PEBP4: variants seen among roughly 807,000 people sequenced by gnomAD.
The protein encoded by PEBP4 is phosphatidylethanolamine binding protein 4, also known as phosphatidylethanolamine-binding protein 4.
PEBP4 carries 22 observed loss-of-function variants against 23.9 expected under a neutral mutation model. The ratio of observed to expected loss-of-function variants is 0.92; its 90% confidence interval spans 0.66 to 1.31. The LOEUF is 1.31. Ranked by LOEUF, PEBP4 falls within the 40% of genes most tolerant of loss-of-function variation. The probability of loss-of-function intolerance (pLI) is 0.00; values close to 1 mark genes in which losing one functional copy is unlikely to be tolerated. For missense variants in PEBP4, 324 were observed against 281.7 expected, an observed-to-expected ratio of 1.15 and a Z score of -1.07; for synonymous variants, 112 against 99.3, an observed-to-expected ratio of 1.13 and a Z score of -0.76.
At chr8:22,745,247 C>T (rs1225230941) in intron 4 of PEBP4, among the ~76,000 whole-genome samples, 1 of 152,168 alleles carries the variant, frequency 6.6e-6, no homozygotes, top group Non-Finnish European at 1.5e-5. Flanking sequence ...TCTCCAGTGC[C>T]CTCTCGACTT....
At chr8:22,937,124 G>A (rs1053779693) in intron 1 of PEBP4, among the ~76,000 whole-genome samples, 1 of 152,084 alleles carries the variant, frequency 6.6e-6, no homozygotes, top group African/African-American at 2.4e-5. Flanking sequence ...GAAATAAAAG[G>A]CATCCAAATT....
At chr8:22,925,172 T>C (rs1349430169) in intron 2 of PEBP4, 1 of 985,312 alleles carries the variant, frequency 1.0e-6, no homozygotes, top group Non-Finnish European at 1.2e-6. Flanking sequence ...TCAGTGACAA[T>C]AAAGACAAAG....
intron 4 of PEBP4, among the ~76,000 whole-genome samples, chr8:22,778,084 T>C (rs1805849870): frequency 6.6e-6 from 1 of 152,112 alleles, no homozygotes; most frequent in South Asian, 2.1e-4. Context: ...CTGTCTCTAG[T>C]TGCCCCTGGA....
At chr8:22,787,914 G>A (rs1180006100) in intron 4 of PEBP4, among the ~76,000 whole-genome samples, 1 of 152,170 alleles carries the variant, frequency 6.6e-6, no homozygotes, top group Non-Finnish European at 1.5e-5. Context: ...TCGAGGTGAG[G>A]GCTGGGGAAG....
At chr8:22,873,532 T>C (rs1048212040) in intron 3 of PEBP4, among the ~76,000 whole-genome samples, 3 of 152,028 alleles carry the variant, frequency 2.0e-5, no homozygotes, top group Non-Finnish European at 2.9e-5. Flanking sequence ...TCAATGGGGC[T>C]GAGGTGGGAG....
Position 22,865,113 on chromosome 8 carries a change from A to G in PEBP4, c.259-47378T>C, listed in dbSNP as rs774681410. 4.6e-5 allele frequency among the ~76,000 whole-genome samples: 7 copies of G among 151,712 alleles called. No homozygotes were observed. The highest frequency in any genetic ancestry group is 8.8e-5 in the Non-Finnish European group (6 of 67,924). ...CCCTGGATGCGAGGTGGGGGTAGAC[A>G]GAAGGGCTGGGGCGGCCCGGGGAAG... is the stretch of plus-strand genomic sequence containing the variant. On this transcript the variant is annotated intron_variant, in intron 3 of 6. Coordinates refer to ENST00000256404, the MANE Select transcript of PEBP4 (RefSeq NM_144962.3). This position sits in a 1 kb window ranked among gnomAD's most constrained non-coding sequence, Gnocchi z 6.9.
chr8:22,821,281 A>G (rs991930072), intron 3 of PEBP4, among the ~76,000 whole-genome samples: 1 of 152,184 alleles, frequency 6.6e-6, no homozygotes, highest in Non-Finnish European at 1.5e-5. Context: ...AATCCAAACA[A>G]ACCCTGAAAA....
intron 4 of PEBP4, among the ~76,000 whole-genome samples, chr8:22,774,489 C>T (rs1805777012): frequency 6.6e-6 from 1 of 152,198 alleles, no homozygotes; most frequent in Non-Finnish European, 1.5e-5. Context: ...CAGCTGTCTA[C>T]TCACTGACAC....
chr8:22,740,221 CAAGAA>C (rs1804960514), intron 4 of PEBP4, among the ~76,000 whole-genome samples: 1 of 152,192 alleles, frequency 6.6e-6, no homozygotes, highest in South Asian at 2.1e-4. Flanking sequence ...GAATTTCTAG[CAAGAA>C]AAGATGCTGG....
intron 3 of PEBP4, among the ~76,000 whole-genome samples, chr8:22,897,437 C>G (rs1450001821): frequency 6.6e-6 from 1 of 152,114 alleles, no homozygotes; most frequent in African/African-American, 2.4e-5. Flanking sequence ...AAAAACAAAC[C>G]CTTTCATCGT....
At chr8:22,783,319 T>C (rs1173477796) in intron 4 of PEBP4, among the ~76,000 whole-genome samples, 1 of 152,262 alleles carries the variant, frequency 6.6e-6, no homozygotes, top group East Asian at 1.9e-4. Flanking sequence ...CTGTCTAATG[T>C]GGATGGCAGA....
intron 3 of PEBP4, among the ~76,000 whole-genome samples, chr8:22,893,999 C>T (rs1254940237): frequency 6.6e-6 from 1 of 152,080 alleles, no homozygotes; most frequent in African/African-American, 2.4e-5. Flanking sequence ...AAAACTACAC[C>T]AAACACATCA....
chr8:22,868,125 C>T (rs1216535589), intron 3 of PEBP4, among the ~76,000 whole-genome samples: 2 of 152,116 alleles, frequency 1.3e-5, no homozygotes, highest in East Asian at 3.9e-4. Flanking sequence ...GTTTAGCTGC[C>T]TTGTCAGTAG....
intron 4 of PEBP4, among the ~76,000 whole-genome samples, chr8:22,800,139 G>T (rs1044574257): frequency 6.6e-6 from 1 of 152,142 alleles, no homozygotes; most frequent in Non-Finnish European, 1.5e-5. Context: ...GGTGAGAGCT[G>T]AGCAGCCCAG....
chr8:22,845,398 G>C (rs951962120), intron 3 of PEBP4, among the ~76,000 whole-genome samples: 1 of 152,190 alleles, frequency 6.6e-6, no homozygotes, highest in South Asian at 2.1e-4. Flanking sequence ...TGCTGGGTGT[G>C]GTGGTGTGTG....
rs189850953 is a variant in PEBP4, at chr8:22,781,329, G to A, written c.357+36308C>T. On this transcript the variant is annotated intron_variant, in intron 4 of 6. Transcript: ENST00000256404. ...GGGGAAGGGGCTGGTGGAAACTCCC[G>A]AGGCAGCAGGCACCGGGGCTGGGAG... is the stretch of plus-strand genomic sequence containing the variant. 2.2e-3 allele frequency among the ~76,000 whole-genome samples: 333 copies of A among 152,254 alleles called. 2 individuals carry two copies. The highest frequency in any genetic ancestry group is 7.0e-3 in the African/African-American group (289 of 41,556).
At chr8:22,889,929 T>A (rs1359617559) in intron 3 of PEBP4, among the ~76,000 whole-genome samples, 1 of 152,250 alleles carries the variant, frequency 6.6e-6, no homozygotes, top group Non-Finnish European at 1.5e-5. Context: ...TCCAAATTGA[T>A]GCAATGTTCA....
At chr8:22,910,341 C>T (rs1808913414) in intron 3 of PEBP4, among the ~76,000 whole-genome samples, 1 of 152,272 alleles carries the variant, frequency 6.6e-6, no homozygotes. Flanking sequence ...CCCGCGCTTG[C>T]TCCATATCAC....
intron 3 of PEBP4, among the ~76,000 whole-genome samples, chr8:22,849,805 A>G (rs1230337629): frequency 1.3e-5 from 2 of 152,206 alleles, no homozygotes; most frequent in Non-Finnish European, 2.9e-5. Flanking sequence ...TTCCTTTCAC[A>G]TACAGTCAAC....
Sources: gnomAD v4.1 joint callset for allele counts (sites outside exome capture counted in the v4.1 genomes callset) on GRCh38, gnomAD v4.1.1 for gene constraint, Gnocchi (gnomAD v3.1) non-coding constraint, MANE v1.5 for transcripts, NCBI Gene and HGNC (gene_info 2026-07-23, HGNC 2026-07-21) for gene names.